Variants in MED26 observed in about 807,000 individuals in gnomAD.
MED26 encodes the protein mediator complex subunit 26.
In MED26, 7 loss-of-function variants were observed where a neutral mutation model predicts 43.7. That is an observed-to-expected ratio of 0.16 (90% CI 0.09 to 0.30). MED26 has a LOEUF of 0.30. Ranked by LOEUF, MED26 falls within the 10% of genes least tolerant of loss-of-function variation. MED26 has a pLI of 1.00. For missense variants in MED26, 784 were observed against 840.6 expected (o/e 0.93, Z 0.83); for synonymous variants, 375 against 371.1 (o/e 1.01, Z -0.12).
intron 1 of MED26, among the ~76,000 whole-genome samples, chr19:16,595,828 CCTT>C (rs1400713025): frequency 1.3e-5 from 2 of 152,222 alleles, no homozygotes; most frequent in Non-Finnish European, 2.9e-5. Flanking sequence ...ATTCCCTTAA[CCTT>C]CTCCGATTGC....
At chr19:16,623,062 G>A (rs1404125741) in intron 1 of MED26, among the ~76,000 whole-genome samples, 1 of 152,108 alleles carries the variant, frequency 6.6e-6, no homozygotes, top group East Asian at 1.9e-4. Flanking sequence ...GCTGGTCTTG[G>A]ACAGTCCTCC....
chr19:16,614,333 G>C (rs1001968252), intron 1 of MED26, among the ~76,000 whole-genome samples: 2 of 152,072 alleles, frequency 1.3e-5, no homozygotes, highest in Non-Finnish European at 2.9e-5. Context: ...TTTGAGACCA[G>C]CCTGGGCAAC....
Position 16,577,052 on chromosome 19 carries a change from G to C in MED26, c.778C>G (p.Pro260Ala), listed in dbSNP as rs769714572. Reference protein sequence around the residue: ...LQQLDRVDETPGPPHPKGPPR... With the variant: ...LQQLDRVDETAGPPHPKGPPR... The stretch of plus-strand genomic sequence containing the variant: ...GGTCCCTTGGGATGGGGAGGCCCCG[G>C]AGTCTCGTCCACCCTGTCCAGCTGC... Residue 260 changes from proline (P) to alanine (A), a missense_variant, in exon 3 of 3, where the codon CCG (proline) becomes GCG (alanine). By Grantham distance (27) the Pro-to-Ala change is conservative. Transcript: ENST00000263390. The surrounding 1 kb of genome is among the most constrained non-coding windows in gnomAD (Gnocchi z 8.1). 1 of 1,608,586 alleles carries C rather than the reference G, an allele frequency of 6.2e-7. No homozygotes were observed. The highest frequency in any genetic ancestry group is 2.2e-5 in the East Asian group (1 of 44,724).
In MED26 at chr19:16,586,632, A is replaced by G. The variant is rs2086071964; in HGVS notation, c.73-8223T>C. ...GCACGGGCCACCACAGCAGGGCTTC[A>G]GATGGCACTGGAGCCCACTCCCCAC... On this transcript the variant is annotated intron_variant, in intron 1 of 2. Coordinates refer to ENST00000263390, the MANE Select transcript of MED26 (RefSeq NM_004831.5). The surrounding 1 kb of genome is among the most constrained non-coding windows in gnomAD (Gnocchi z 5.1). 6.6e-6 allele frequency among the ~76,000 whole-genome samples: 1 copy of G among 152,264 alleles called. No individual in the cohort carries two copies. Among genetic ancestry groups the G allele is most frequent in the Admixed American group, 6.5e-5 (1 of 15,294 alleles).
At chr19:16,578,233 A>T in intron 2 of MED26, 102 bp downstream of exon 2, 1 of 1,125,286 alleles carries the variant, frequency 8.9e-7, no homozygotes, top group Non-Finnish European at 1.3e-6. Flanking sequence ...GGTCCTCCGA[A>T]GCAAAGACAC....
chr19:16,628,163 C>T lies in MED26; in HGVS notation c.-220G>A, dbSNP rs2086293306. ...AAGGAGGAGGAGGAGCCGCCGGAGC[C>T]GCCGCCGCTCGCTGCCGCCGCCTCG... On this transcript the variant is annotated 5_prime_UTR_variant, in exon 1 of 3. Transcript: ENST00000263390. 1 of 360,532 alleles carries T rather than the reference C, an allele frequency of 2.8e-6. No individual in the cohort carries two copies. The highest frequency in any genetic ancestry group is 1.3e-4 in the South Asian group (1 of 7,788). The allele number at this position is 360,532 out of a possible 1,614,324, so 22.3% of individuals were successfully genotyped here.
chr19:16,616,783 G>T (rs1286632948), intron 1 of MED26, among the ~76,000 whole-genome samples: 1 of 152,148 alleles, frequency 6.6e-6, no homozygotes, highest in East Asian at 1.9e-4. Context: ...ACGCTTAGGG[G>T]GAGCAGGCAC....
chr19:16,627,807 A>T, intron 1 of MED26, 65 bp downstream of exon 1: 1 of 1,214,534 alleles, frequency 8.2e-7, no homozygotes. Context: ...GGCGAGGGGT[A>T]CAGGAGAGGG....
At chr19:16,602,230 G>A (rs539468572) in intron 1 of MED26, among the ~76,000 whole-genome samples, 31 of 152,310 alleles carry the variant, frequency 2.0e-4, no homozygotes, top group African/African-American at 6.7e-4. Context: ...AAATGGTGCC[G>A]ACTGGAACAC....
At chr19:16,615,045 G>C (rs2086217532) in intron 1 of MED26, among the ~76,000 whole-genome samples, 1 of 151,626 alleles carries the variant, frequency 6.6e-6, no homozygotes, top group Non-Finnish European at 1.5e-5. Context: ...CTAAATACCA[G>C]CAAGAAAACA....
intron 1 of MED26, among the ~76,000 whole-genome samples, chr19:16,610,026 C>T (rs2086192725): frequency 1.3e-5 from 2 of 151,188 alleles, no homozygotes; most frequent in African/African-American, 2.4e-5. Context: ...CATGTAACCC[C>T]AACCCTTTGG....
intron 1 of MED26, among the ~76,000 whole-genome samples, chr19:16,581,971 G>T (rs892030732): frequency 6.6e-6 from 1 of 152,376 alleles, no homozygotes; most frequent in Non-Finnish European, 1.5e-5. Context: ...ACAGTCCTAC[G>T]CCGTAAACAG....
At position 16,576,776 on chromosome 19, in the gene MED26, C is replaced by T; in HGVS notation, c.1054G>A (p.Ala352Thr). Residue 352 changes from alanine (A) to threonine (T), a missense_variant, in exon 3 of 3, where the codon GCG becomes ACG. Ala to Thr is a moderately conservative substitution (Grantham distance 58, BLOSUM62 0). This residue lies in a region of MED26 where 719 missense variants were observed against 730.9 expected (regional missense o/e 0.98). Transcript: ENST00000263390. The surrounding 1 kb of genome is among the most constrained non-coding windows in gnomAD (Gnocchi z 6.8). ...AGCCCTGCCTTGCAGCCCGGCCCCGCCAGCCGCTGGTGGCTCTCAGGCTGC... is the reference window on the plus strand; with the variant it reads ...AGCCCTGCCTTGCAGCCCGGCCCCGTCAGCCGCTGGTGGCTCTCAGGCTGC... ...LEQPESHQRLAGPGCKAGLSP... is the reference protein window; with the variant it reads ...LEQPESHQRLTGPGCKAGLSP... The T allele has an allele frequency of 6.2e-7, 1 of 1,607,388 alleles. No individual in the cohort carries two copies. The highest frequency in any genetic ancestry group is 8.5e-7 in the Non-Finnish European group (1 of 1,178,830).
intron 1 of MED26, 111 bp downstream of exon 1, chr19:16,627,761 G>A (rs2086288195): frequency 1.4e-6 from 1 of 695,516 alleles, no homozygotes; most frequent in Non-Finnish European, 2.1e-6. Context: ...CCCTCGAGGG[G>A]AGGTGGGCGC....
chr19:16,618,104 A>G (rs147464460), intron 1 of MED26, among the ~76,000 whole-genome samples: 9 of 152,328 alleles, frequency 5.9e-5, no homozygotes, highest in Non-Finnish European at 8.8e-5. Flanking sequence ...CCGGTTACCC[A>G]GAGGGGAGGC....
intron 1 of MED26, 51 bp from the exon 2 acceptor site, chr19:16,578,460 G>A (rs773716353): frequency 1.9e-5 from 29 of 1,556,084 alleles, no homozygotes; most frequent in African/African-American, 1.4e-5. Flanking sequence ...TCCACTGGGA[G>A]GCTGGAACAC....
In MED26 at chr19:16,577,652, C is replaced by T. The variant is rs1357992564; in HGVS notation, c.178G>A (p.Val60Ile). ...ETRLGKLIND[V>I]RKKTKNEELA... ...TCCTCGTTCTTGGTTTTCTTGCGGACGTCGTTGATGAGCTTCCCAAGTCGT... is the reference window on the plus strand; with the variant it reads ...TCCTCGTTCTTGGTTTTCTTGCGGATGTCGTTGATGAGCTTCCCAAGTCGT... The change falls in exon 3 of 3, where the codon GTC becomes ATC. Residue 60 changes from valine (V) to isoleucine (I), a missense_variant. Physicochemically the swap from Val to Ile is conservative, Grantham distance 29. This residue lies in a region of MED26 where 28 missense variants were observed against 79.4 expected (regional missense o/e 0.35). Coordinates refer to ENST00000263390, the MANE Select transcript of MED26 (RefSeq NM_004831.5). The surrounding 1 kb of genome is among the most constrained non-coding windows in gnomAD (Gnocchi z 8.1). 6 of 1,583,174 alleles carry T rather than the reference C, an allele frequency of 3.8e-6. No individual in the cohort carries two copies. The highest frequency in any genetic ancestry group is 1.7e-4 in the Middle Eastern group (1 of 5,980).
intron 1 of MED26, among the ~76,000 whole-genome samples, chr19:16,585,236 C>T (rs1004779201): frequency 2.0e-5 from 3 of 152,172 alleles, no homozygotes; most frequent in African/African-American, 7.2e-5. Flanking sequence ...CATCCCGGTC[C>T]GACTCTCAGG....
At chr19:16,603,962 T>C (rs1054057707) in intron 1 of MED26, among the ~76,000 whole-genome samples, 1 of 152,166 alleles carries the variant, frequency 6.6e-6, no homozygotes, top group African/African-American at 2.4e-5. Flanking sequence ...CTGTGAAAAC[T>C]ACCACCCAGC....
Sources: gnomAD v4.1 joint callset for allele counts (sites outside exome capture counted in the v4.1 genomes callset) on GRCh38, gnomAD v4.1.1 for gene constraint, gnomAD v4.1.1 regional missense constraint, Gnocchi (gnomAD v3.1) non-coding constraint, MANE v1.5 for transcripts, NCBI Gene and HGNC (gene_info 2026-07-23, HGNC 2026-07-21) for gene names.